Variants in TMEM131 observed in about 807,000 individuals in gnomAD.
TMEM131 encodes transmembrane protein 131, also known as 2610524E03Rik.
In TMEM131, 66 loss-of-function variants were observed where a neutral mutation model predicts 211.6. That is an observed-to-expected ratio of 0.31 (90% CI 0.26 to 0.38). TMEM131 has a LOEUF of 0.38. Among genes scored for constraint, TMEM131 ranks in the 10% least tolerant of loss-of-function variants. TMEM131 has a pLI of 1.00. For missense variants in TMEM131, 2,036 were observed against 2,299.3 expected (o/e 0.89, Z 2.34); for synonymous variants, 844 against 841.3 (o/e 1.00, Z -0.06).
intron 31 of TMEM131, among the ~76,000 whole-genome samples, chr2:97,778,662 C>T (rs2104829643): frequency 6.6e-6 from 1 of 152,266 alleles, no homozygotes; most frequent in Middle Eastern, 3.4e-3. Context: ...AGCACCTTAA[C>T]AAAAGTGATT....
chr2:97,992,635 G>A (rs1680316036), intron 1 of TMEM131, among the ~76,000 whole-genome samples: 1 of 151,882 alleles, frequency 6.6e-6, no homozygotes. Flanking sequence ...GATATATAAT[G>A]CTTTTTTAAA....
intron 2 of TMEM131, among the ~76,000 whole-genome samples, chr2:97,922,739 A>G (rs1460250036): frequency 6.6e-6 from 1 of 152,174 alleles, no homozygotes; most frequent in African/African-American, 2.4e-5. Flanking sequence ...GAAAATGGCT[A>G]ACTTTATGGG....
intron 1 of TMEM131, among the ~76,000 whole-genome samples, chr2:97,939,761 G>C (rs891355431): frequency 2.6e-5 from 4 of 152,192 alleles, no homozygotes; most frequent in African/African-American, 9.7e-5. Flanking sequence ...GAACATCGAT[G>C]CAAAATCTTC....
intron 4 of TMEM131, among the ~76,000 whole-genome samples, chr2:97,863,179 C>T (rs1429481031): frequency 6.6e-6 from 1 of 152,134 alleles, no homozygotes. Flanking sequence ...GCGAAAATAT[C>T]CTTCAAATAT....
intron 32 of TMEM131, 73 bp downstream of exon 32, chr2:97,775,770 G>A: frequency 6.8e-7 from 1 of 1,479,238 alleles, no homozygotes; most frequent in Non-Finnish European, 9.1e-7. Context: ...GAATCTATGA[G>A]ATGGAAGGTC....
chr2:97,916,451 A>T (rs1676512258), intron 2 of TMEM131, among the ~76,000 whole-genome samples: 1 of 152,346 alleles, frequency 6.6e-6, no homozygotes, highest in East Asian at 1.9e-4. Context: ...CATTCTGCCA[A>T]CTACAAGGAG....
chr2:97,920,046 T>A (rs1451355415), intron 2 of TMEM131, among the ~76,000 whole-genome samples: 1 of 152,210 alleles, frequency 6.6e-6, no homozygotes. Flanking sequence ...AGACAATGAA[T>A]GAGCACAGCA....
chr2:97,903,423 G>A (rs1215570205), intron 3 of TMEM131, among the ~76,000 whole-genome samples: 2 of 152,142 alleles, frequency 1.3e-5, no homozygotes, highest in Admixed American at 6.6e-5. Context: ...CCCAGCCAGC[G>A]CAATAACTGT....
chr2:97,978,695 C>T (rs1383059870), intron 1 of TMEM131, among the ~76,000 whole-genome samples: 1 of 152,176 alleles, frequency 6.6e-6, no homozygotes, highest in Non-Finnish European at 1.5e-5. Flanking sequence ...AGTTCTCTTG[C>T]TATTTCCACT....
rs1248193362 is a variant in TMEM131 at position 97,772,514 on chromosome 2, T to C, written c.4321-90A>G. 5 of 1,382,118 alleles carry C rather than the reference T, an allele frequency of 3.6e-6. No homozygotes were observed. In the African/African-American group the frequency reaches 5.8e-5, roughly 16 times the overall value. 85.6% of individuals were successfully genotyped at this position (1,382,118 alleles called of 1,614,324 possible). On this transcript the variant is annotated intron_variant, in intron 32 of 40. Transcript: ENST00000186436. ...TAAGATACAGACACAAAATCAAAGATGTAAAAATATACACATCATATACGT... is the reference window on the plus strand; with the variant it reads ...TAAGATACAGACACAAAATCAAAGACGTAAAAATATACACATCATATACGT...
chr2:97,945,611 T>C (rs1677995792), intron 1 of TMEM131, among the ~76,000 whole-genome samples: 1 of 152,112 alleles, frequency 6.6e-6, no homozygotes, highest in African/African-American at 2.4e-5. Flanking sequence ...TTTAAGCTTA[T>C]AGTTCTTTCA....
At chr2:97,879,679 G>C (rs761627842) in intron 4 of TMEM131, among the ~76,000 whole-genome samples, 1 of 152,156 alleles carries the variant, frequency 6.6e-6, no homozygotes, top group Non-Finnish European at 1.5e-5. Flanking sequence ...ATGAGGTGAA[G>C]ACCTTTACGA....
chr2:97,895,758 CTT>C (rs990946494), intron 3 of TMEM131, among the ~76,000 whole-genome samples: 9 of 151,894 alleles, frequency 5.9e-5, no homozygotes, highest in Admixed American at 3.9e-4. Context: ...ATTCTTCTCT[CTT>C]TTCTTCTTTA....
intron 1 of TMEM131, among the ~76,000 whole-genome samples, chr2:97,944,764 T>C (rs1388045779): frequency 1.3e-5 from 2 of 152,002 alleles, no homozygotes; most frequent in African/African-American, 2.4e-5. Flanking sequence ...CAAAACAACA[T>C]ACTGCTTCAA....
chr2:97,867,382 T>C (rs1389243825), intron 4 of TMEM131, among the ~76,000 whole-genome samples: 2 of 152,244 alleles, frequency 1.3e-5, no homozygotes, highest in Non-Finnish European at 2.9e-5. Flanking sequence ...GTTATATATA[T>C]ATATGTTTAT....
chr2:97,949,307 C>G (rs953013445), intron 1 of TMEM131, among the ~76,000 whole-genome samples: 3 of 152,044 alleles, frequency 2.0e-5, no homozygotes, highest in Non-Finnish European at 2.9e-5. Context: ...GTATAATATG[C>G]AAACTAATCT....
At chr2:97,924,202 T>G (rs188295380) in intron 2 of TMEM131, among the ~76,000 whole-genome samples, 1 of 151,910 alleles carries the variant, frequency 6.6e-6, no homozygotes, top group Non-Finnish European at 1.5e-5. Context: ...CTGGGCAACA[T>G]AGACCTCTGT....
intron 40 of TMEM131, among the ~76,000 whole-genome samples, chr2:97,758,053 A>G (rs1397241746): frequency 6.6e-6 from 1 of 151,328 alleles, no homozygotes; most frequent in Non-Finnish European, 1.5e-5. Flanking sequence ...AATGGCATGA[A>G]CCCAGGAGGC....
At chr2:97,911,554 C>T (rs779695523) in intron 2 of TMEM131, 6 of 897,106 alleles carry the variant, frequency 6.7e-6, no homozygotes, top group Non-Finnish European at 8.0e-6. Flanking sequence ...TGTGCACTTT[C>T]TTGAGGAGAA....
Sources: allele counts gnomAD v4.1 joint callset (sites outside exome capture counted in the v4.1 genomes callset), GRCh38; gene constraint gnomAD v4.1.1; transcripts MANE v1.5; gene names NCBI Gene and HGNC (gene_info 2026-07-23, HGNC 2026-07-21).